Variants in URAD observed in about 807,000 individuals in gnomAD.
URAD encodes putative 2-oxo-4-hydroxy-4-carboxy-5-ureidoimidazoline decarboxylase.
In URAD, 4 loss-of-function variants were observed where a neutral mutation model predicts 4.6. The ratio of observed to expected loss-of-function variants is 0.87; its 90% confidence interval spans 0.43 to 1.98. URAD has a LOEUF of 1.98. Ranked by LOEUF, URAD falls within the 30% of genes most tolerant of loss-of-function variation. The pLI is 0.03. For synonymous variants in URAD, 144 were observed against 118.2 expected (o/e 1.22, Z -1.41); for missense variants, 300 against 255.3 (o/e 1.18, Z -1.19).
chr13:27,978,736 C>G (rs895144777), intron 1 of URAD, among the ~76,000 whole-genome samples: 1 of 151,694 alleles, frequency 6.6e-6, no homozygotes, highest in African/African-American at 2.4e-5. Context: ...GGAAGTGACA[C>G]GTTTGTCTTT....
At chr13:27,987,904 AG>A (rs1870077954) in intron 1 of URAD, among the ~76,000 whole-genome samples, 1 of 62,390 alleles carries the variant, frequency 1.6e-5, no homozygotes, top group African/African-American at 5.1e-5. Flanking sequence ...ATAGATAGAT[AG>A]ATAGATAGAT....
intron 1 of URAD, among the ~76,000 whole-genome samples, chr13:27,985,313 C>G (rs1447775992): frequency 6.6e-6 from 1 of 151,872 alleles, no homozygotes. Context: ...GAAAAATTAG[C>G]TGGGCATGGT....
At chr13:27,981,551 C>G (rs895811263) in intron 1 of URAD, among the ~76,000 whole-genome samples, 1 of 152,140 alleles carries the variant, frequency 6.6e-6, no homozygotes, top group Non-Finnish European at 1.5e-5. Flanking sequence ...TAGAAGAATT[C>G]CTGGCACAGA....
chr13:27,987,017 C>T (rs543764150), intron 1 of URAD, among the ~76,000 whole-genome samples: 144 of 152,344 alleles, frequency 9.5e-4, no homozygotes, highest in Non-Finnish European at 1.5e-3. Flanking sequence ...CATTCCTGTC[C>T]ATTTGATTTT....
intron 1 of URAD, among the ~76,000 whole-genome samples, chr13:27,978,700 C>T (rs1388605093): frequency 6.6e-6 from 1 of 152,170 alleles, no homozygotes; most frequent in Non-Finnish European, 1.5e-5. Context: ...TACATTCGGT[C>T]GGGACCAGGA....
chr13:27,981,023 TCTCTC>T (rs879921627), intron 1 of URAD, among the ~76,000 whole-genome samples: 8,889 of 83,668 alleles, frequency 0.11, 347 homozygotes, highest in Non-Finnish European at 0.16. Context: ...TCTCTCTCTC[TCTCTC>T]CTCTCTCTCT....
chr13:27,987,966 GT>G (rs1217412065), intron 1 of URAD, among the ~76,000 whole-genome samples: 1 of 151,936 alleles, frequency 6.6e-6, no homozygotes, highest in Non-Finnish European at 1.5e-5. Flanking sequence ...GTTGTTTTTT[GT>G]TTTGTTTTTT....
intron 1 of URAD, among the ~76,000 whole-genome samples, chr13:27,980,497 C>A (rs565434537): frequency 2.0e-5 from 3 of 152,344 alleles, no homozygotes; most frequent in Admixed American, 2.0e-4. Context: ...CCTGCCCGGG[C>A]TGCGGAGGAG....
At chr13:27,986,624 G>A (rs1207065875) in intron 1 of URAD, among the ~76,000 whole-genome samples, 1 of 152,158 alleles carries the variant, frequency 6.6e-6, no homozygotes. Context: ...AATTATTCAC[G>A]CGATCCTAGC....
At chr13:27,986,052 C>T (rs758144603) in intron 1 of URAD, among the ~76,000 whole-genome samples, 6 of 152,170 alleles carry the variant, frequency 3.9e-5, no homozygotes, top group Non-Finnish European at 7.3e-5. Flanking sequence ...TGCTCCCAGA[C>T]AAGTGCAGAA....
chr13:27,988,293 T>C (rs923434050), intron 1 of URAD, among the ~76,000 whole-genome samples, 170 bp downstream of exon 1: 1 of 152,136 alleles, frequency 6.6e-6, no homozygotes, highest in East Asian at 1.9e-4. Context: ...GATCTCATCA[T>C]GTTGCCTAGA....
intron 1 of URAD, among the ~76,000 whole-genome samples, chr13:27,982,992 C>T (rs1203539723): frequency 2.6e-5 from 4 of 152,282 alleles, no homozygotes; most frequent in African/African-American, 9.6e-5. Context: ...TGCAGTGGCC[C>T]CTCGACCTGG....
At chr13:27,978,568 G>C (rs1206365493) in intron 1 of URAD, 116 bp from the exon 2 acceptor site, 2 of 806,598 alleles carry the variant, frequency 2.5e-6, no homozygotes, top group African/African-American at 1.8e-5. Flanking sequence ...GCCCCGCCCG[G>C]CCCCAAAGAA....
In URAD at chr13:27,988,459, TTA is replaced by T. The variant is rs1478043632; in HGVS notation, c.175+2_175+3del. On this transcript the variant is annotated splice_donor_variant and splice_donor_region_variant and intron_variant, in intron 1 of 1. Coordinates refer to ENST00000332715, the MANE Select transcript of URAD (RefSeq NM_001105577.2). LOFTEE classifies it high-confidence loss of function. ...GCAGAGAATGTCTGATACGGAAGCCTTACCTGACTGTGCAAGGGCATCAATAA... is the reference window on the plus strand; with the variant it reads ...GCAGAGAATGTCTGATACGGAAGCCTCCTGACTGTGCAAGGGCATCAATAA... 6.3e-7 allele frequency: 1 copy of T among 1,591,538 alleles called. No homozygotes were observed. The highest frequency in any genetic ancestry group is 1.8e-5 in the Admixed American group (1 of 54,876).
chr13:27,980,291 C>T (rs995446764), intron 1 of URAD, among the ~76,000 whole-genome samples: 11 of 152,158 alleles, frequency 7.2e-5, no homozygotes, highest in African/African-American at 2.7e-4. Context: ...CAAACAGGAA[C>T]GGGTCTTTCC....
chr13:27,979,516 A>G (rs1319735525), intron 1 of URAD, among the ~76,000 whole-genome samples: 3 of 152,232 alleles, frequency 2.0e-5, no homozygotes, highest in African/African-American at 7.2e-5. Context: ...GAGACAATTC[A>G]TTTACTTAAA....
Position 27,978,016 on chromosome 13 carries a change from C to G in URAD, c.*90G>C, listed in dbSNP as rs748509603. 291 of 1,136,318 alleles carry G rather than the reference C, an allele frequency of 2.6e-4. No homozygotes were observed. Among genetic ancestry groups the G allele is most frequent in the Non-Finnish European group, 3.2e-4 (276 of 861,402 alleles). 70.4% of individuals were successfully genotyped at this position (1,136,318 alleles called of 1,614,324 possible). On this transcript the variant is annotated 3_prime_UTR_variant, in exon 2 of 2. Coordinates refer to ENST00000332715, the MANE Select transcript of URAD (RefSeq NM_001105577.2). ...ACGTGTGTGGACGCTGTTCCAGGCCCGAGTCCGCCTCCCGCCCAGGACGCA... is the reference window on the plus strand; with the variant it reads ...ACGTGTGTGGACGCTGTTCCAGGCCGGAGTCCGCCTCCCGCCCAGGACGCA...
At chr13:27,987,933 G>T (rs1450778305) in intron 1 of URAD, among the ~76,000 whole-genome samples, 1 of 139,944 alleles carries the variant, frequency 7.1e-6, no homozygotes, top group Non-Finnish European at 1.6e-5. Context: ...TAGATAGATA[G>T]ATTTTTAAAA....
intron 1 of URAD, among the ~76,000 whole-genome samples, chr13:27,984,595 C>G (rs1212534231): frequency 6.6e-6 from 1 of 152,230 alleles, no homozygotes; most frequent in East Asian, 1.9e-4. Context: ...ACTTGAACGT[C>G]TCTCTAAGGT....
Sources: gnomAD v4.1 joint callset for allele counts (sites outside exome capture counted in the v4.1 genomes callset) on GRCh38, gnomAD v4.1.1 for gene constraint, MANE v1.5 for transcripts, NCBI Gene and HGNC (gene_info 2026-07-23, HGNC 2026-07-21) for gene names.